Variants in CDH7 observed in about 807,000 individuals in gnomAD.
CDH7 encodes the protein cadherin 7, also known as cadherin-7.
CDH7 carries 25 observed loss-of-function variants against 71.8 expected under a neutral mutation model. The observed-to-expected ratio is 0.35, with a 90% CI of 0.25 to 0.49. The LOEUF (loss-of-function observed/expected upper bound fraction) is 0.49. Among genes scored for constraint, CDH7 ranks in the 20% least tolerant of loss-of-function variants. The pLI is 0.99. For synonymous variants in CDH7, 381 were observed against 363.8 expected, an observed-to-expected ratio of 1.05 and a Z score of -0.54; for missense variants, 862 against 974.6, an observed-to-expected ratio of 0.88 and a Z score of 1.54.
In CDH7 at chr18:65,810,016, T is replaced by C. The variant is rs536515046; in HGVS notation, c.505+18T>C. The C allele has an allele frequency of 1.9e-6, 3 of 1,594,728 alleles. No homozygotes were observed. In the African/African-American group the frequency reaches 4.0e-5, roughly 21 times the overall value. Reference sequence around the variant, plus strand: ...TCCCGTGGGTAAGTAAAGAACACTCTGCTTTTGTAGCTTGTGGCCGATTTG... The same window carrying C: ...TCCCGTGGGTAAGTAAAGAACACTCCGCTTTTGTAGCTTGTGGCCGATTTG... On this transcript the variant is annotated intron_variant, in intron 3 of 11. Transcript: ENST00000397968.
intron 1 of CDH7, among the ~76,000 whole-genome samples, chr18:65,758,857 G>T (rs1488703690): frequency 1.3e-5 from 2 of 152,204 alleles, no homozygotes; most frequent in Non-Finnish European, 2.9e-5. Context: ...GTTTCCGAAT[G>T]TCAATTATGT....
chr18:65,876,799 G>A (rs1914086448), intron 11 of CDH7, among the ~76,000 whole-genome samples: 2 of 152,084 alleles, frequency 1.3e-5, no homozygotes, highest in Non-Finnish European at 2.9e-5. Flanking sequence ...GCTTCTATGT[G>A]CAACATTACA....
At chr18:65,845,133 T>C (rs1180500481) in intron 7 of CDH7, among the ~76,000 whole-genome samples, 3 of 149,502 alleles carry the variant, frequency 2.0e-5, no homozygotes, top group Non-Finnish European at 4.4e-5. Flanking sequence ...ATAAAGTGAT[T>C]ATGTACATTT....
chr18:65,849,384 CTTTT>C (rs1913058674), intron 7 of CDH7, among the ~76,000 whole-genome samples: 3 of 115,094 alleles, frequency 2.6e-5, no homozygotes, highest in African/African-American at 1.2e-4. Flanking sequence ...CTTTTCTTTT[CTTTT>C]CTTTTCTTTT....
chr18:65,862,606 G>A, intron 10 of CDH7, 60 bp from the exon 11 acceptor site: 1 of 1,548,756 alleles, frequency 6.5e-7, no homozygotes, highest in African/African-American at 1.4e-5. Flanking sequence ...CTTAAATAAA[G>A]TTTGGGAAGA....
At chr18:65,828,770 ATTATT>A (rs922403476) in intron 6 of CDH7, among the ~76,000 whole-genome samples, 2 of 152,030 alleles carry the variant, frequency 1.3e-5, no homozygotes, top group Non-Finnish European at 2.9e-5. Context: ...ATTCTCAGCA[ATTATT>A]TTATTAATTC....
rs556824492 is a variant in CDH7, at chr18:65,883,755, G to T, written c.*2861G>T. 1 of 152,026 alleles carries T rather than the reference G, an allele frequency of 6.6e-6. No homozygotes were observed. Among genetic ancestry groups the T allele is most frequent in the Non-Finnish European group, 1.5e-5 (1 of 67,960 alleles). The allele number at this position is 152,026 out of a possible 1,614,324, so 9.4% of individuals were successfully genotyped here. A position where few individuals can be genotyped will look rare whatever the true frequency, so the allele number is the denominator to read the frequency against. On this transcript the variant is annotated 3_prime_UTR_variant, in exon 12 of 12. Transcript: ENST00000397968. Reference sequence around the variant, plus strand: ...TACTGCTTAAATTATTTTATAAAATGAAATGTCATAATTGTAAATATAGTA... The same window carrying T: ...TACTGCTTAAATTATTTTATAAAATTAAATGTCATAATTGTAAATATAGTA...
At chr18:65,766,749 C>T (rs1192160986) in intron 2 of CDH7, among the ~76,000 whole-genome samples, 2 of 151,766 alleles carry the variant, frequency 1.3e-5, no homozygotes, top group Non-Finnish European at 2.9e-5. Context: ...CACTTTATAT[C>T]ACCCCTCCCG....
In CDH7 at chr18:65,809,750, T is replaced by C. The variant is rs913196076; in HGVS notation, c.257T>C (p.Leu86Ser). 33 of 1,613,954 alleles carry C rather than the reference T, an allele frequency of 2.0e-5. No homozygotes were observed. The highest frequency in any genetic ancestry group is 2.7e-5 in the Non-Finnish European group (32 of 1,179,998). ...DKGDGSIKYI[L>S]SGEGASSIFI... ...GGAGATGGTTCCATCAAATACATCT[T>C]GTCAGGCGAAGGGGCAAGTTCCATT... Residue 86 changes from leucine (L) to serine (S), a missense_variant, in exon 3 of 12, where the codon TTG becomes TCG. Physicochemically the swap from Leu to Ser is moderately radical, Grantham distance 145. Transcript: ENST00000397968.
chr18:65,796,564 G>A (rs1369602630), intron 2 of CDH7, among the ~76,000 whole-genome samples: 1 of 152,158 alleles, frequency 6.6e-6, no homozygotes, highest in Admixed American at 6.5e-5. Flanking sequence ...TAGACGAGAT[G>A]TACAGAGTTT....
Position 65,886,406 on chromosome 18 carries a change from A to G in CDH7, c.*5512A>G, listed in dbSNP as rs1914375321. ...TGTCATAATTAATTGAAGCCACTCA[A>G]ATACAGTTATTTATAAGATCTCAGA... On this transcript the variant is annotated 3_prime_UTR_variant, in exon 12 of 12. Transcript: ENST00000397968. 1 of 15,994 alleles carries G rather than the reference A, an allele frequency of 6.3e-5. No individual in the cohort carries two copies. The highest frequency in any genetic ancestry group is 5.7e-3 in the Non-Finnish European group (1 of 174). 1.0% of individuals were successfully genotyped at this position (15,994 alleles called of 1,614,324 possible). A position where few individuals can be genotyped will look rare whatever the true frequency, so the allele number is the denominator to read the frequency against.
chr18:65,764,322 G>A (rs1234506637), intron 2 of CDH7, among the ~76,000 whole-genome samples: 1 of 151,982 alleles, frequency 6.6e-6, no homozygotes, highest in African/African-American at 2.4e-5. Context: ...ACATTAATAA[G>A]TTAAAGGTTT....
At chr18:65,880,213 C>A (rs1914180320) in intron 11 of CDH7, among the ~76,000 whole-genome samples, 188 bp from the exon 12 acceptor site, 1 of 152,116 alleles carries the variant, frequency 6.6e-6, no homozygotes, top group African/African-American at 2.4e-5. Context: ...TAAAAGTGTT[C>A]TAATTTAAAG....
At chr18:65,843,669 T>G (rs1421259258) in intron 6 of CDH7, 143 bp from the exon 7 acceptor site, 6 of 637,838 alleles carry the variant, frequency 9.4e-6, no homozygotes, top group Non-Finnish European at 1.5e-5. Flanking sequence ...CTGATTGGCA[T>G]TGTTATTTAT....
chr18:65,840,446 C>G (rs551131799), intron 6 of CDH7, among the ~76,000 whole-genome samples: 32 of 151,944 alleles, frequency 2.1e-4, no homozygotes, highest in African/African-American at 7.2e-4. Context: ...TGTAAGTATG[C>G]ACTTATATGT....
rs1001001326 is a variant in CDH7 at position 65,758,503 on chromosome 18, G to T, written c.-196-4144G>T. On this transcript the variant is annotated intron_variant, in intron 1 of 11. Coordinates refer to ENST00000397968, the MANE Select transcript of CDH7 (RefSeq NM_004361.5). ...AACATCCTCACTTCAGATCACAATGGTTCACACACTGTTTTCTGATTTTCC... is the reference window on the plus strand; with the variant it reads ...AACATCCTCACTTCAGATCACAATGTTTCACACACTGTTTTCTGATTTTCC... 6.6e-5 allele frequency among the ~76,000 whole-genome samples: 10 copies of T among 152,286 alleles called. No individual in the cohort carries two copies. In the South Asian group the frequency reaches 1.2e-3, roughly 19 times the overall value.
At chr18:65,774,764 C>A (rs534831143) in intron 2 of CDH7, among the ~76,000 whole-genome samples, 4 of 152,100 alleles carry the variant, frequency 2.6e-5, no homozygotes, top group South Asian at 4.2e-4. Flanking sequence ...ATGGTTATAC[C>A]CCCCTGATGA....
intron 7 of CDH7, among the ~76,000 whole-genome samples, chr18:65,845,356 G>A (rs908274976): frequency 1.3e-5 from 2 of 152,038 alleles, no homozygotes; most frequent in Admixed American, 6.6e-5. Context: ...TTTTAATGTG[G>A]TGATAATAGA....
intron 7 of CDH7, among the ~76,000 whole-genome samples, chr18:65,852,486 C>A (rs1044945123): frequency 5.3e-5 from 8 of 152,126 alleles, no homozygotes; most frequent in Non-Finnish European, 1.2e-4. Flanking sequence ...AAGCACTTGT[C>A]ACCGCTTATT....
Sources: allele counts gnomAD v4.1 joint callset (sites outside exome capture counted in the v4.1 genomes callset), GRCh38; gene constraint gnomAD v4.1.1; transcripts MANE v1.5; gene names NCBI Gene and HGNC (gene_info 2026-07-23, HGNC 2026-07-21).